The following GPR155 variants were observed in gnomAD, a reference collection of about 807,000 sequenced individuals.
The protein encoded by GPR155 is G protein-coupled receptor 155.
A neutral mutation model predicts 93.1 loss-of-function variants in GPR155; 65 were observed. That is an observed-to-expected ratio of 0.70 (90% CI 0.57 to 0.86). The LOEUF is 0.86. Among genes scored for constraint, GPR155 ranks in the 40% least tolerant of loss-of-function variants. The pLI is 0.00. For missense variants in GPR155, 838 were observed against 1,034.8 expected (o/e 0.81, Z 2.61); for synonymous variants, 319 against 360.1 (o/e 0.89, Z 1.29).
In GPR155 at chr2:174,473,092, G is replaced by GA; in HGVS notation, c.732dup (p.Leu245SerfsTer2). The GA allele has an allele frequency of 6.2e-7, 1 of 1,601,770 alleles. No homozygotes were observed. Among genetic ancestry groups the GA allele is most frequent in the East Asian group, 2.2e-5 (1 of 44,808 alleles). On this transcript the variant is annotated frameshift_variant, in exon 3 of 16. Coordinates refer to ENST00000392552, the MANE Select transcript of GPR155 (RefSeq NM_152529.7). LOFTEE classifies it high-confidence loss of function. The stretch of plus-strand genomic sequence containing the variant: ...GAAAAAGAATTTCCAAGTCCATCAA[G>GA]AAAATTTTCGACATATACAGGTACC...
chr2:174,440,766 C>G (rs1438913639), intron 14 of GPR155, among the ~76,000 whole-genome samples: 1 of 152,186 alleles, frequency 6.6e-6, no homozygotes, highest in Non-Finnish European at 1.5e-5. Context: ...GTCCCGACCT[C>G]TTCCTCCTAC....
intron 13 of GPR155, 107 bp downstream of exon 13, chr2:174,444,974 T>C (rs1687075270): frequency 3.2e-6 from 2 of 633,226 alleles, no homozygotes; most frequent in East Asian, 2.7e-5. Context: ...ATCCTTTTTA[T>C]GTGAAAGAAA....
intron 11 of GPR155, 42 bp from the exon 12 acceptor site, chr2:174,446,789 T>C (rs1052634882): frequency 1.3e-6 from 2 of 1,583,048 alleles, no homozygotes; most frequent in African/African-American, 1.4e-5. Context: ...CAGAGCTTTT[T>C]ATCTAAATGC....
intron 12 of GPR155, chr2:174,445,418 A>G (rs1461453196): frequency 2.9e-6 from 1 of 345,844 alleles, no homozygotes; most frequent in Admixed American, 4.6e-5. Flanking sequence ...GACATGAGCC[A>G]TAATACAGAA....
At chr2:174,441,732 TGTGTGTGTGTGTGTGTGTGC>T (rs1182749677) in intron 14 of GPR155, among the ~76,000 whole-genome samples, 1 of 113,774 alleles carries the variant, frequency 8.8e-6, no homozygotes, top group African/African-American at 1.0e-4. Context: ...TTTGTGTGTG[TGTGTGTGTGTGTGTGTGTGC>T]GTGTGTGTGT....
rs535344875 is a variant in GPR155, at chr2:174,447,022, T to G, written c.1877-275A>C. On this transcript the variant is annotated intron_variant, in intron 11 of 15. Coordinates refer to ENST00000392552, the MANE Select transcript of GPR155 (RefSeq NM_152529.7). ...ATATATAATTATCTAACATAAGTTA[T>G]ATAATTTGGTCTTTAAAAATTATAC... 2.4e-4 allele frequency among the ~76,000 whole-genome samples: 37 copies of G among 152,286 alleles called. No homozygotes were observed. The East Asian group carries it at 7.1e-3, about 29-fold the overall frequency.
chr2:174,442,668 T>C (rs17322327), intron 13 of GPR155, among the ~76,000 whole-genome samples: 38,040 of 152,106 alleles, frequency 0.25, 5,708 homozygotes, highest in Middle Eastern at 0.46. Context: ...TCAAGGCAAA[T>C]GCCTAGCACC....
intron 13 of GPR155, among the ~76,000 whole-genome samples, chr2:174,444,536 A>G (rs1207892042): frequency 3.3e-5 from 4 of 121,386 alleles, no homozygotes; most frequent in Non-Finnish European, 6.4e-5. Flanking sequence ...TCTGTCACCC[A>G]GGCTGGAGTG....
At chr2:174,472,930 A>C in intron 3 of GPR155, 35 bp downstream of exon 3, 1 of 1,554,264 alleles carries the variant, frequency 6.4e-7, no homozygotes, top group Non-Finnish European at 8.7e-7. Context: ...GGCTTTCAAA[A>C]AGTACAATTC....
intron 15 of GPR155, among the ~76,000 whole-genome samples, chr2:174,437,565 A>G (rs1574688971): frequency 7.6e-6 from 1 of 132,150 alleles, no homozygotes. Flanking sequence ...TTTTTTATTT[A>G]TGGCCTAACA....
Position 174,461,500 on chromosome 2 carries a change from C to A in GPR155, c.1470-8G>T, listed in dbSNP as rs1559110091. 1 of 1,603,668 alleles carries A rather than the reference C, an allele frequency of 6.2e-7. No individual in the cohort carries two copies. Among genetic ancestry groups the A allele is most frequent in the Non-Finnish European group, 8.5e-7 (1 of 1,170,838 alleles). The stretch of plus-strand genomic sequence containing the variant: ...ACAAGGAGAGCAGGAATTCTGTAAT[C>A]ACAAGTGATATTGGGAGAGAAAAAG... On this transcript the variant is annotated splice_polypyrimidine_tract_variant and splice_region_variant and intron_variant, in intron 8 of 15. Transcript: ENST00000392552.
intron 10 of GPR155, among the ~76,000 whole-genome samples, chr2:174,454,937 G>A (rs951287641): frequency 3.3e-5 from 5 of 152,108 alleles, no homozygotes; most frequent in African/African-American, 1.2e-4. Flanking sequence ...GGCAGGTAGG[G>A]GGTGGCAGGG....
At chr2:174,480,614 T>C (rs1039881671) in intron 2 of GPR155, among the ~76,000 whole-genome samples, 4 of 152,034 alleles carry the variant, frequency 2.6e-5, no homozygotes, top group South Asian at 2.1e-4. Flanking sequence ...GTAAAACATA[T>C]ACACATAGAA....
chr2:174,477,964 A>G (rs1688214925), intron 2 of GPR155, among the ~76,000 whole-genome samples: 1 of 152,216 alleles, frequency 6.6e-6, no homozygotes, highest in Non-Finnish European at 1.5e-5. Context: ...ATGTAATGGC[A>G]TATAGTTAAA....
At chr2:174,450,344 C>T (rs1052107041) in intron 11 of GPR155, among the ~76,000 whole-genome samples, 6 of 151,876 alleles carry the variant, frequency 4.0e-5, no homozygotes, top group African/African-American at 9.7e-5. Flanking sequence ...AGGGAGAGGG[C>T]AAGGGCTAAA....
intron 2 of GPR155, 132 bp downstream of exon 2, chr2:174,481,365 T>G: frequency 1.7e-6 from 1 of 588,836 alleles, no homozygotes; most frequent in South Asian, 2.5e-5. Context: ...AAAACTATGA[T>G]TCATCCTAAG....
chr2:174,479,254 G>C (rs1000125780), intron 2 of GPR155, among the ~76,000 whole-genome samples: 4 of 152,106 alleles, frequency 2.6e-5, no homozygotes, highest in Admixed American at 2.6e-4. Flanking sequence ...TATGACAATA[G>C]ATTAACTATT....
At chr2:174,439,838 A>C (rs1489262405) in intron 15 of GPR155, 60 bp downstream of exon 15, 11 of 1,452,078 alleles carry the variant, frequency 7.6e-6, no homozygotes, top group Non-Finnish European at 1.1e-5. Flanking sequence ...ACAATCCAAA[A>C]TTAATCAATT....
At chr2:174,479,079 A>G (rs909920981) in intron 2 of GPR155, among the ~76,000 whole-genome samples, 2 of 152,220 alleles carry the variant, frequency 1.3e-5, no homozygotes, top group African/African-American at 4.8e-5. Context: ...AAAAACATAA[A>G]AACAAAAATT....
Sources: allele counts gnomAD v4.1 joint callset (sites outside exome capture counted in the v4.1 genomes callset), GRCh38; gene constraint gnomAD v4.1.1; transcripts MANE v1.5; gene names NCBI Gene and HGNC (gene_info 2026-07-23, HGNC 2026-07-21).